The following VMP1 variants were observed in gnomAD, a reference collection of about 807,000 sequenced individuals.
VMP1 encodes ectopic P-granules autophagy protein 3 homolog.
Under a neutral mutation model 56.0 loss-of-function variants are expected in VMP1, and 11 were observed. The observed-to-expected ratio is 0.20, with a 90% CI of 0.12 to 0.32. VMP1 has a LOEUF of 0.32. Among genes scored for constraint, VMP1 ranks in the 10% least tolerant of loss-of-function variants. VMP1 has a pLI of 1.00. For synonymous variants in VMP1, 149 were observed against 165.0 expected (o/e 0.90, Z 0.74); for missense variants, 296 against 490.3 (o/e 0.60, Z 3.74).
At chr17:59,773,488 GCATC>G (rs1261677867) in intron 6 of VMP1, among the ~76,000 whole-genome samples, 1 of 151,774 alleles carries the variant, frequency 6.6e-6, no homozygotes, top group African/African-American at 2.4e-5. Context: ...TCCTGCCTCA[GCATC>G]CTGAGTAGCT....
At chr17:59,812,136 A>G (rs2038072312) in intron 9 of VMP1, among the ~76,000 whole-genome samples, 1 of 152,150 alleles carries the variant, frequency 6.6e-6, no homozygotes, top group African/African-American at 2.4e-5. Context: ...CAAAAAATGT[A>G]GTTTTTTGTT....
chr17:59,819,475 T>G (rs1469122242), intron 10 of VMP1, among the ~76,000 whole-genome samples: 2 of 152,122 alleles, frequency 1.3e-5, no homozygotes, highest in African/African-American at 4.8e-5. Context: ...TTGTTGTTGT[T>G]TTTGAGACAG....
At chr17:59,713,733 CA>C (rs1399033859) in intron 1 of VMP1, among the ~76,000 whole-genome samples, 7 of 104,446 alleles carry the variant, frequency 6.7e-5, no homozygotes, top group African/African-American at 2.6e-4. Context: ...TTTTTTTTAA[CA>C]AAACGGAGAC....
intron 10 of VMP1, among the ~76,000 whole-genome samples, chr17:59,818,738 CA>C (rs919167079): frequency 1.7e-4 from 25 of 142,992 alleles, no homozygotes; most frequent in Admixed American, 2.1e-4. Flanking sequence ...AACTCCATCC[CA>C]AAAAAAAAAA....
At chr17:59,836,080 A>G (rs2038971265) in intron 10 of VMP1, among the ~76,000 whole-genome samples, 1 of 151,022 alleles carries the variant, frequency 6.6e-6, no homozygotes, top group Admixed American at 6.6e-5. Context: ...AGTTTTCTCG[A>G]TTGTTCACAG....
chr17:59,775,122 G>A (rs1277646167), intron 7 of VMP1, among the ~76,000 whole-genome samples: 1 of 151,420 alleles, frequency 6.6e-6, no homozygotes, highest in Non-Finnish European at 1.5e-5. Flanking sequence ...TTTGTATTTT[G>A]TTTAGTAGAG....
Position 59,752,903 on chromosome 17 carries a change from T to C in VMP1, c.415-12068T>C, listed in dbSNP as rs561879108. ...CATGTTAATTTGCTTTACTATAGTA[T>C]AACCATTTTGTTATCTGTATGTATA... On this transcript the variant is annotated intron_variant, in intron 5 of 11. Coordinates refer to ENST00000262291, the MANE Select transcript of VMP1 (RefSeq NM_030938.5). 2.6e-5 allele frequency among the ~76,000 whole-genome samples: 4 copies of C among 152,328 alleles called. No individual in the cohort carries two copies. In the East Asian group the frequency reaches 7.7e-4, roughly 29 times the overall value.
Position 59,737,554 on chromosome 17 carries a change from G to A in VMP1, c.303+11G>A, listed in dbSNP as rs368710608. On this transcript the variant is annotated intron_variant, in intron 4 of 11. Coordinates refer to ENST00000262291, the MANE Select transcript of VMP1 (RefSeq NM_030938.5). ...GGAGTGCATCAACAGGTGAGAGGTC[G>A]AGCAATTCTGTTTCTAGTCTTGCAC... The A allele has an allele frequency of 1.9e-5, 31 of 1,595,212 alleles. No homozygotes were observed. The highest frequency in any genetic ancestry group is 4.5e-5 in the East Asian group (2 of 44,152).
chr17:59,768,197 C>T (rs1242217264), intron 6 of VMP1, among the ~76,000 whole-genome samples: 1 of 152,146 alleles, frequency 6.6e-6, no homozygotes, highest in Admixed American at 6.5e-5. Context: ...CAAATGTTTG[C>T]TCTTCTTTCC....
chr17:59,812,757 C>T (rs143302209), intron 9 of VMP1, among the ~76,000 whole-genome samples: 4 of 151,958 alleles, frequency 2.6e-5, no homozygotes, highest in African/African-American at 9.7e-5. Flanking sequence ...ATGGTGAAAC[C>T]CTGTCTCTAC....
intron 1 of VMP1, among the ~76,000 whole-genome samples, chr17:59,725,678 GT>G: frequency 6.6e-6 from 1 of 151,924 alleles, no homozygotes; most frequent in Middle Eastern, 3.4e-3. Flanking sequence ...TTGAAAAGTT[GT>G]TTTTTAAACT....
At chr17:59,747,022 CT>C (rs1415702937) in intron 5 of VMP1, among the ~76,000 whole-genome samples, 1 of 152,158 alleles carries the variant, frequency 6.6e-6, no homozygotes, top group Non-Finnish European at 1.5e-5. Flanking sequence ...CTATATTTGG[CT>C]GCCACTAGGT....
chr17:59,839,299 G>GT (rs561844219), intron 11 of VMP1: 7 of 152,832 alleles, frequency 4.6e-5, no homozygotes, highest in Admixed American at 6.6e-5. Context: ...CCAGAGCACT[G>GT]TTTTTTTTAA....
At chr17:59,769,771 G>A (rs977472487) in intron 6 of VMP1, among the ~76,000 whole-genome samples, 1 of 152,032 alleles carries the variant, frequency 6.6e-6, no homozygotes, top group Non-Finnish European at 1.5e-5. Context: ...ATTAAACTTA[G>A]GCTGACAGTT....
Position 59,839,702 on chromosome 17 carries a change from A to G in VMP1, c.1078-66A>G, listed in dbSNP as rs372609097. On this transcript the variant is annotated intron_variant, in intron 11 of 11. Transcript: ENST00000262291. ...TTACACACTTCAAGCATTATAGATG[A>G]TCCTCTTTTTACTACTGAACTAATG... The G allele has an allele frequency of 2.9e-5, 45 of 1,535,720 alleles. No individual in the cohort carries two copies. In the Middle Eastern group the frequency reaches 1.4e-3, roughly 48 times the overall value.
chr17:59,833,825 C>G (rs1431830299), intron 10 of VMP1, among the ~76,000 whole-genome samples: 3 of 152,174 alleles, frequency 2.0e-5, no homozygotes, highest in Admixed American at 6.5e-5. Context: ...TATTTCCAGT[C>G]CCTTCCTCAT....
chr17:59,795,822 T>G (rs2144144754), intron 7 of VMP1, among the ~76,000 whole-genome samples: 1 of 152,268 alleles, frequency 6.6e-6, no homozygotes, highest in East Asian at 1.9e-4. Flanking sequence ...TTTTTGTCTC[T>G]TGACATTTAC....
intron 6 of VMP1, among the ~76,000 whole-genome samples, chr17:59,769,191 T>C (rs2036342418): frequency 6.6e-6 from 1 of 151,030 alleles, no homozygotes; most frequent in Admixed American, 6.6e-5. Context: ...GTTTCGCTCT[T>C]GTTGCCCAGG....
At chr17:59,765,232 T>A in intron 6 of VMP1, 94 bp downstream of exon 6, 1 of 1,374,010 alleles carries the variant, frequency 7.3e-7, no homozygotes, top group Non-Finnish European at 9.8e-7. Flanking sequence ...ATATTCCTTG[T>A]CAGTAAATGA....
Sources: allele counts gnomAD v4.1 joint callset (sites outside exome capture counted in the v4.1 genomes callset), GRCh38; gene constraint gnomAD v4.1.1; transcripts MANE v1.5; gene names NCBI Gene and HGNC (gene_info 2026-07-23, HGNC 2026-07-21).